The following DNAH10 variants were observed in gnomAD, a reference collection of about 807,000 sequenced individuals.
The protein encoded by DNAH10 is axonemal beta dynein heavy chain 10.
In DNAH10, 348 loss-of-function variants were observed where a neutral mutation model predicts 506.6. The ratio of observed to expected loss-of-function variants is 0.69; its 90% CI spans 0.63 to 0.75. The LOEUF is 0.75. Among genes scored for constraint, DNAH10 ranks in the 30% least tolerant of loss-of-function variants. The pLI is 0.00. For missense variants in DNAH10, 5,179 were observed against 5,787.1 expected, an observed-to-expected ratio of 0.89 and a Z score of 3.41; for synonymous variants, 2,059 against 2,198.6, an observed-to-expected ratio of 0.94 and a Z score of 1.78.
Position 123,762,563 on chromosome 12 carries a change from G to C in DNAH10, c.214+13G>C. ...GAGGTGGAGATTGGTGAGCCTCGAC[G>C]CGCCGCTCCCTTCCCCGGGCTTCCC... is the stretch of plus-strand genomic sequence containing the variant. On this transcript the variant is annotated intron_variant, in intron 1 of 78. Coordinates refer to ENST00000673944, the MANE Select transcript of DNAH10 (RefSeq NM_001372106.1). The surrounding 1 kb of genome is among the most constrained non-coding windows in gnomAD (Gnocchi z 5.0). The C allele has an allele frequency of 6.5e-7, 1 of 1,544,678 alleles. No homozygotes were observed. The highest frequency in any genetic ancestry group is 8.7e-7 in the Non-Finnish European group (1 of 1,146,088).
chr12:123,867,513 A>G lies in DNAH10; in HGVS notation c.7214A>G (p.Tyr2405Cys). The change falls in exon 42 of 79, where the codon TAT becomes TGT. Residue 2405 changes from tyrosine to cysteine, a missense_variant. Tyr to Cys is a radical substitution (Grantham distance 194, BLOSUM62 -2). Coordinates refer to ENST00000673944, the MANE Select transcript of DNAH10 (RefSeq NM_001372106.1). ...LNSLFEKYVPYLMDVIVEGIV... is the reference protein window; with the variant it reads ...LNSLFEKYVPCLMDVIVEGIV... ...AGTCTCTTTGAGAAGTATGTGCCCT[A>G]TCTCATGGATGTGATAGTGGAAGGA... The G allele has an allele frequency of 1.9e-6, 3 of 1,613,978 alleles. No individual in the cohort carries two copies. The highest frequency in any genetic ancestry group is 2.5e-6 in the Non-Finnish European group (3 of 1,179,874).
intron 43 of DNAH10, among the ~76,000 whole-genome samples, chr12:123,869,283 T>A (rs550874875): frequency 2.8e-4 from 43 of 152,084 alleles, no homozygotes; most frequent in Non-Finnish European, 5.3e-4. Context: ...CCCTGCATCC[T>A]CACTTCCTTG....
At chr12:123,789,384 G>T (rs570329351) in intron 10 of DNAH10, among the ~76,000 whole-genome samples, 2 of 152,110 alleles carry the variant, frequency 1.3e-5, no homozygotes, top group Admixed American at 1.3e-4. Flanking sequence ...CTTTGTGTGT[G>T]TGTGTGTGTG....
chr12:123,913,444 T>G lies in DNAH10; in HGVS notation c.10352+129T>G. On this transcript the variant is annotated intron_variant, in intron 60 of 78. Coordinates refer to ENST00000673944, the MANE Select transcript of DNAH10 (RefSeq NM_001372106.1). The surrounding 1 kb of genome is among the most constrained non-coding windows in gnomAD (Gnocchi z 5.1). ...AAAACCATGTGACCAGGTCTTATGTTCCTATTATCATGTTTATGGCAGCTA... is the reference window on the plus strand; with the variant it reads ...AAAACCATGTGACCAGGTCTTATGTGCCTATTATCATGTTTATGGCAGCTA... 1 of 990,754 alleles carries G rather than the reference T, an allele frequency of 1.0e-6. No homozygotes were observed. Among genetic ancestry groups the G allele is most frequent in the Non-Finnish European group, 1.4e-6 (1 of 693,260 alleles). 61.4% of individuals were successfully genotyped at this position (990,754 alleles called of 1,614,324 possible).
chr12:123,934,550 G>A (rs1015080713), intron 77 of DNAH10, 71 bp from the exon 78 acceptor site: 17 of 1,579,872 alleles, frequency 1.1e-5, no homozygotes, highest in South Asian at 3.5e-5. Context: ...CTGTGTGTGC[G>A]CCTGATAGAG....
Position 123,785,878 on chromosome 12 carries a change from A to G in DNAH10, c.1363A>G (p.Ile455Val). Residue 455 changes from isoleucine to valine, a missense_variant, in exon 9 of 79, where the codon ATC becomes GTC. By Grantham distance (29) the Ile-to-Val change is conservative (BLOSUM62 3). Transcript: ENST00000673944. This position sits in a 1 kb window ranked among gnomAD's most constrained non-coding sequence, Gnocchi z 4.1. ...GAGGATGATTCCGCTCATGGAGCGCATCGCCTGGGAAATCGCTGAGAGAGT... is the reference window on the plus strand; with the variant it reads ...GAGGATGATTCCGCTCATGGAGCGCGTCGCCTGGGAAATCGCTGAGAGAGT... ...DERMIPLMER[I>V]AWEIAERVCR... 3.1e-6 allele frequency: 5 copies of G among 1,614,172 alleles called. No homozygotes were observed. Among genetic ancestry groups the G allele is most frequent in the Non-Finnish European group, 4.2e-6 (5 of 1,180,006 alleles).
rs183327153 is a variant in DNAH10, at chr12:123,849,606, C to G, written c.6102+724C>G. ...GCCTCTGTCCTCCCCCCTCCATGCC[C>G]TGCACACTTGTCACTAAGCCACTTG... On this transcript the variant is annotated intron_variant, in intron 34 of 78. Coordinates refer to ENST00000673944, the MANE Select transcript of DNAH10 (RefSeq NM_001372106.1). 3.3e-5 allele frequency among the ~76,000 whole-genome samples: 5 copies of G among 152,328 alleles called. No individual in the cohort carries two copies. In the East Asian group the frequency reaches 9.6e-4, roughly 29 times the overall value.
chr12:123,832,010 A>G (rs1004844438), intron 26 of DNAH10, among the ~76,000 whole-genome samples: 5 of 152,204 alleles, frequency 3.3e-5, no homozygotes, highest in Non-Finnish European at 1.5e-5. Flanking sequence ...CTTATGCAGT[A>G]CATGACTGTA....
intron 38 of DNAH10, 88 bp from the exon 39 acceptor site, chr12:123,860,924 A>T: frequency 5.7e-6 from 9 of 1,575,362 alleles, no homozygotes; most frequent in Non-Finnish European, 7.8e-6. Context: ...TAAAGTCAAA[A>T]CATCTAATTC....
At position 123,918,752 on chromosome 12, in the gene DNAH10, C is replaced by T; in HGVS notation, c.11309C>T (p.Ala3770Val). The T allele has an allele frequency of 6.2e-7, 1 of 1,607,654 alleles. No homozygotes were observed. The highest frequency in any genetic ancestry group is 8.5e-7 in the Non-Finnish European group (1 of 1,175,194). Reference protein sequence around the residue: ...DRLRDGYRPAARRGAILFFVL... With the variant: ...DRLRDGYRPAVRRGAILFFVL... The stretch of plus-strand genomic sequence containing the variant: ...CTGCGGGATGGCTACCGGCCAGCAG[C>T]CAGGAGGGGGGCCATCCTGTTCTTC... The change falls in exon 65 of 79, where the codon GCC becomes GTC. Residue 3770 changes from alanine to valine, a missense_variant. Physicochemically the swap from Ala to Val is moderately conservative, Grantham distance 64 (BLOSUM62 0). Transcript: ENST00000673944.
Position 123,804,959 on chromosome 12 carries a change from C to T in DNAH10, c.2906C>T (p.Thr969Ile), listed in dbSNP as rs1958608986. Reference sequence around the variant, plus strand: ...GAGGGCCTGGTCGTCCACACCAACACAGGCAAGGCCCCCAAGCTGGCCTCC... The same window carrying T: ...GAGGGCCTGGTCGTCCACACCAACATAGGCAAGGCCCCCAAGCTGGCCTCC... ...KVEGLVVHTNTGKAPKLASYY... is the reference protein window; with the variant it reads ...KVEGLVVHTNIGKAPKLASYY... Residue 969 changes from threonine (T) to isoleucine (I), a missense_variant, in exon 18 of 79, where the codon ACA becomes ATA. Physicochemically the swap from Thr to Ile is moderately conservative, Grantham distance 89 (BLOSUM62 -1). Transcript: ENST00000673944. 6.2e-7 allele frequency: 1 copy of T among 1,614,250 alleles called. No homozygotes were observed. The highest frequency in any genetic ancestry group is 8.5e-7 in the Non-Finnish European group (1 of 1,180,050).
Position 123,931,327 on chromosome 12 carries a change from C to T in DNAH10, c.12785-14C>T, listed in dbSNP as rs773163424. On this transcript the variant is annotated splice_polypyrimidine_tract_variant and intron_variant, in intron 73 of 78. Transcript: ENST00000673944. ...GCTGGACAGTGCCACCTCCGTTGTT[C>T]TCTGTGATTGCAGAAGCCATCGAGG... 8.1e-6 allele frequency: 13 copies of T among 1,613,046 alleles called. No homozygotes were observed. Among genetic ancestry groups the T allele is most frequent in the Non-Finnish European group, 9.3e-6 (11 of 1,179,724 alleles).
rs1342824681 is a variant in DNAH10 at position 123,813,882 on chromosome 12, A to G, written c.3750A>G (p.Arg1250=). The G allele has an allele frequency of 1.6e-5, 25 of 1,601,036 alleles. No individual in the cohort carries two copies. The highest frequency in any genetic ancestry group is 2.1e-5 in the Non-Finnish European group (25 of 1,177,214). ...TCAGATATAGGGACGTCCAGGAGCG[A>G]TACCGTACCATGGCAATGTATAACC... is the stretch of plus-strand genomic sequence containing the variant. The part of the protein sequence containing the change: ...MELRYRDVQE[R]YRTMAMYNLF... Residue 1250 remains arginine, a synonymous_variant, in exon 21 of 79, where the codon CGA becomes CGG. Transcript: ENST00000673944.
At chr12:123,804,736 G>GT in intron 17 of DNAH10, 97 bp from the exon 18 acceptor site, 5 of 1,239,068 alleles carry the variant, frequency 4.0e-6, no homozygotes, top group Non-Finnish European at 5.7e-6. Flanking sequence ...GGCTGGTTTT[G>GT]GTTTTTTTAA....
chr12:123,914,528 A>C lies in DNAH10; in HGVS notation c.10552A>C (p.Thr3518Pro). The C allele has an allele frequency of 6.2e-7, 1 of 1,613,336 alleles. No homozygotes were observed. Among genetic ancestry groups the C allele is most frequent in the Non-Finnish European group, 8.5e-7 (1 of 1,179,770 alleles). The change falls in exon 61 of 79, where the codon ACG becomes CCG. Residue 3518 changes from threonine (T) to proline (P), a missense_variant. By Grantham distance (38) the Thr-to-Pro change is conservative (BLOSUM62 -1). Around this residue, in one of 3 missense-constraint regions of DNAH10, gnomAD observed 4,844 missense variants for 5,430.5 expected, o/e 0.89. Transcript: ENST00000673944. ...GCCTTTCCGGCTGGAAAGCCTGCTCACGGATGATGTTGAGATCAGCAGGTG... is the reference window on the plus strand; with the variant it reads ...GCCTTTCCGGCTGGAAAGCCTGCTCCCGGATGATGTTGAGATCAGCAGGTG... ...SQPFRLESLLTDDVEISRWGS... is the reference protein window; with the variant it reads ...SQPFRLESLLPDDVEISRWGS...
intron 36 of DNAH10, among the ~76,000 whole-genome samples, chr12:123,855,129 T>C (rs1341582262): frequency 1.3e-5 from 2 of 152,164 alleles, no homozygotes; most frequent in African/African-American, 4.8e-5. Context: ...CCGGGGCTCC[T>C]GTGTTGAGTC....
chr12:123,785,881 G>A lies in DNAH10; in HGVS notation c.1366G>A (p.Ala456Thr), dbSNP rs143556029. 1.3e-4 allele frequency: 210 copies of A among 1,614,132 alleles called. No homozygotes were observed. Among genetic ancestry groups the A allele is most frequent in the Admixed American group, 1.8e-4 (11 of 60,024 alleles). ...ERMIPLMERI[A>T]WEIAERVCRV... is the part of the protein sequence containing the mutation. Reference sequence around the variant, plus strand: ...GATGATTCCGCTCATGGAGCGCATCGCCTGGGAAATCGCTGAGAGAGTCTG... The same window carrying A: ...GATGATTCCGCTCATGGAGCGCATCACCTGGGAAATCGCTGAGAGAGTCTG... The change falls in exon 9 of 79, where the codon GCC becomes ACC. Residue 456 changes from alanine to threonine, a missense_variant. This residue lies in a region of DNAH10 where 4,844 missense variants were observed against 5,430.5 expected (regional missense o/e 0.89). Coordinates refer to ENST00000673944, the MANE Select transcript of DNAH10 (RefSeq NM_001372106.1). The surrounding 1 kb of genome is among the most constrained non-coding windows in gnomAD (Gnocchi z 4.1).
Position 123,787,692 on chromosome 12 carries a change from AG to A in DNAH10, c.1422-105del, listed in dbSNP as rs1036986924. On this transcript the variant is annotated intron_variant, in intron 9 of 78. Transcript: ENST00000673944. This position sits in a 1 kb window ranked among gnomAD's most constrained non-coding sequence, Gnocchi z 4.6. ...CCTTTTCCGATGAGGCCGTGAAACC[AG>A]GGGGGGCGCCCGGGTCAGAGCTTCA... 30 of 1,325,196 alleles carry A rather than the reference AG, an allele frequency of 2.3e-5. No individual in the cohort carries two copies. Among genetic ancestry groups the A allele is most frequent in the Non-Finnish European group, 2.8e-5 (27 of 957,698 alleles). The allele number at this position is 1,325,196 out of a possible 1,614,324, so 82.1% of individuals were successfully genotyped here.
At chr12:123,893,537 C>T (rs1240395157) in intron 53 of DNAH10, 101 bp downstream of exon 53, 5 of 1,336,958 alleles carry the variant, frequency 3.7e-6, no homozygotes, top group East Asian at 2.4e-5. Context: ...CAAAGCAAAA[C>T]AAGACACGGC....
Sources: gnomAD v4.1 joint callset for allele counts (sites outside exome capture counted in the v4.1 genomes callset) on GRCh38, gnomAD v4.1.1 for gene constraint, gnomAD v4.1.1 regional missense constraint, Gnocchi (gnomAD v3.1) non-coding constraint, MANE v1.5 for transcripts, NCBI Gene and HGNC (gene_info 2026-07-23, HGNC 2026-07-21) for gene names.